Variants in FGF13 observed in about 807,000 individuals in gnomAD.
FGF13 encodes the protein fibroblast growth factor 13, also known as fibroblast growth factor homologous factor 2.
A neutral mutation model predicts 19.5 loss-of-function variants in FGF13; 2 were observed. The ratio of observed to expected loss-of-function variants is 0.10; its 90% CI spans 0.04 to 0.32. The LOEUF (loss-of-function observed/expected upper bound fraction) is 0.32. FGF13 is among the 10% of genes least tolerant of loss of function. The pLI, the probability that FGF13 is intolerant of heterozygous loss-of-function variation, is 1.00. For missense variants in FGF13, 113 were observed against 192.7 expected, an observed-to-expected ratio of 0.59 and a Z score of 2.45; for synonymous variants, 72 against 76.9, an observed-to-expected ratio of 0.94 and a Z score of 0.33.
chrX:139,101,637 G>A (rs1018119628), intron 1 of FGF13, among the ~76,000 whole-genome samples: 5 of 112,172 alleles, frequency 4.5e-5, no homozygotes, highest in Non-Finnish European at 7.5e-5. Context: ...GCAATTAAAC[G>A]AATAAATAAA....
At chrX:138,827,424 G>A (rs2091041262) in intron 3 of FGF13, among the ~76,000 whole-genome samples, 1 of 112,049 alleles carries the variant, frequency 8.9e-6, no homozygotes, top group South Asian at 3.7e-4. Context: ...ATATTCTAAT[G>A]TACAGTGAAA....
intron 3 of FGF13, among the ~76,000 whole-genome samples, chrX:138,791,356 G>A (rs1427099669): frequency 2.7e-5 from 3 of 111,920 alleles, no homozygotes; most frequent in Admixed American, 9.5e-5. Context: ...TTGAATAAAC[G>A]AACACAACAA....
Position 138,750,759 on chromosome X carries a change from T to C in FGF13, c.218-41831A>G, listed in dbSNP as rs141297531. On this transcript the variant is annotated intron_variant, in intron 3 of 6. Transcript: ENST00000436198. Reference sequence around the variant, plus strand: ...AAGCCTGGAATATGGGAAAGGGACCTGGTCTAGAGATAAAGATTCTGTAGT... The same window carrying C: ...AAGCCTGGAATATGGGAAAGGGACCCGGTCTAGAGATAAAGATTCTGTAGT... Among the ~76,000 whole-genome samples the C allele has an allele frequency of 4.1e-3, 454 of 111,282 alleles. 4 individuals carry two copies. The East Asian group carries it at 0.045, about 11-fold the overall frequency.
chrX:138,758,414 C>T (rs2090445038), intron 3 of FGF13, among the ~76,000 whole-genome samples: 1 of 111,925 alleles, frequency 8.9e-6, no homozygotes, highest in Non-Finnish European at 1.9e-5. Context: ...GAGCAATCAA[C>T]AGCCAAGACC....
chrX:138,976,275 G>T (rs1254860113), intron 1 of FGF13, among the ~76,000 whole-genome samples: 1 of 111,394 alleles, frequency 9.0e-6, no homozygotes. Context: ...ATTGTGAATT[G>T]CAAAGACATA....
intron 1 of FGF13, among the ~76,000 whole-genome samples, chrX:139,090,711 G>A (rs1286233260): frequency 9.1e-6 from 1 of 110,423 alleles, no homozygotes; most frequent in Non-Finnish European, 1.9e-5. Context: ...AGGCTGGGGT[G>A]GGGCAGATCA....
At chrX:139,111,672 C>G (rs977929191) in intron 1 of FGF13, among the ~76,000 whole-genome samples, 1 of 111,502 alleles carries the variant, frequency 9.0e-6, no homozygotes, top group Admixed American at 9.6e-5. Flanking sequence ...CTATCTATTT[C>G]TAGAAAAAAC....
intron 3 of FGF13, among the ~76,000 whole-genome samples, chrX:138,808,037 C>G (rs1457284937): frequency 2.7e-5 from 3 of 111,412 alleles, no homozygotes; most frequent in Non-Finnish European, 5.6e-5. Flanking sequence ...ATCAACGAGA[C>G]AGAAAGTTAA....
chrX:139,125,108 G>A (rs1413276353), intron 1 of FGF13, among the ~76,000 whole-genome samples: 6 of 111,388 alleles, frequency 5.4e-5, no homozygotes, highest in South Asian at 3.8e-4. Context: ...AAATGTTCAC[G>A]ACATGGAACA....
At chrX:138,884,344 G>A (rs777186319) in intron 1 of FGF13, among the ~76,000 whole-genome samples, 1 of 112,117 alleles carries the variant, frequency 8.9e-6, no homozygotes, top group Admixed American at 9.5e-5. Flanking sequence ...CCCAATCTTG[G>A]ATTTGCTCAT....
chrX:138,765,594 G>A (rs186408778), intron 3 of FGF13, among the ~76,000 whole-genome samples: 42 of 112,146 alleles, frequency 3.7e-4, no homozygotes, highest in African/African-American at 1.4e-3. Context: ...CAGAAAAAGT[G>A]TAGTTGCATA....
At chrX:138,821,145 G>A (rs1883694038) in intron 3 of FGF13, among the ~76,000 whole-genome samples, 1 of 111,333 alleles carries the variant, frequency 9.0e-6, no homozygotes, top group Non-Finnish European at 1.9e-5. Flanking sequence ...GGAGAATGTG[G>A]TAATAGGCCA....
chrX:138,988,046 G>A, intron 1 of FGF13, among the ~76,000 whole-genome samples: 1 of 111,972 alleles, frequency 8.9e-6, no homozygotes, highest in Non-Finnish European at 1.9e-5. Flanking sequence ...CTGTTCCCTA[G>A]TTTCCAACAA....
At chrX:138,888,494 A>G (rs1055501855) in intron 1 of FGF13, among the ~76,000 whole-genome samples, 15 of 110,627 alleles carry the variant, frequency 1.4e-4, no homozygotes, top group Admixed American at 8.7e-4. Context: ...TCTAAGACCC[A>G]TGCTCACCAG....
rs145383392 is a variant in FGF13 at position 138,638,630 on chromosome X, C to T, written c.403-2975G>A. Among the ~76,000 whole-genome samples, 496 of 111,576 alleles carry T rather than the reference C, an allele frequency of 4.4e-3. 4 individuals carry two copies. Among genetic ancestry groups the T allele is most frequent in the African/African-American group, 0.015 (468 of 30,671 alleles). Reference sequence around the variant, plus strand: ...AATGACACGTTAGCACATGGCAGACCGCTTGATTATTGTTTATGTGATTTG... The same window carrying T: ...AATGACACGTTAGCACATGGCAGACTGCTTGATTATTGTTTATGTGATTTG... On this transcript the variant is annotated intron_variant, in intron 3 of 4. Transcript: ENST00000315930.
At chrX:138,742,831 TTTAA>T (rs2090329027), upstream of FGF13, among the ~76,000 whole-genome samples, 1 of 111,678 alleles carries the variant, frequency 9.0e-6, no homozygotes, top group African/African-American at 3.3e-5. Context: ...CCCTTGACAG[TTTAA>T]TTGTTTTAAA....
At chrX:138,969,458 G>T (rs2091907119) in intron 1 of FGF13, among the ~76,000 whole-genome samples, 2 of 111,600 alleles carry the variant, frequency 1.8e-5, no homozygotes, top group Non-Finnish European at 3.8e-5. Context: ...CAAAAATTTG[G>T]AATACACAGG....
intron 1 of FGF13, among the ~76,000 whole-genome samples, chrX:138,967,044 G>A (rs983349874): frequency 6.3e-5 from 7 of 111,154 alleles, no homozygotes; most frequent in African/African-American, 2.0e-4. Flanking sequence ...GGAACTGTGA[G>A]TCAATTAAAC....
intron 1 of FGF13, among the ~76,000 whole-genome samples, chrX:138,735,866 G>A (rs1003416750): frequency 2.7e-5 from 3 of 112,007 alleles, no homozygotes; most frequent in African/African-American, 6.5e-5. Flanking sequence ...ATTTTAATAC[G>A]TCTATTATAA....
Sources: gnomAD v4.1 joint callset for allele counts (sites outside exome capture counted in the v4.1 genomes callset) on GRCh38, gnomAD v4.1.1 for gene constraint, MANE v1.5 for transcripts, NCBI Gene and HGNC (gene_info 2026-07-23, HGNC 2026-07-21) for gene names.